Variants in AKAP6 observed in about 807,000 individuals in gnomAD.
AKAP6 encodes A-kinase anchoring protein 6, also known as A-kinase anchor protein 6.
Under a neutral mutation model 188.5 loss-of-function variants are expected in AKAP6, and 58 were observed. The observed-to-expected ratio is 0.31, with a 90% CI of 0.25 to 0.38. AKAP6 has a LOEUF of 0.38. AKAP6 is among the 10% of genes least tolerant of loss of function. The pLI, the probability that AKAP6 is intolerant of heterozygous loss-of-function variation, is 1.00. For synonymous variants in AKAP6, 989 were observed against 998.6 expected, an observed-to-expected ratio of 0.99 and a Z score of 0.18; for missense variants, 2,710 against 2,740.0, an observed-to-expected ratio of 0.99 and a Z score of 0.24.
rs2034001349 is a variant in AKAP6, at chr14:32,803,291, A to C, written c.3589-18111A>C. 3.9e-5 allele frequency among the ~76,000 whole-genome samples: 3 copies of C among 77,344 alleles called. No homozygotes were observed. The South Asian group carries it at 1.7e-3, about 44-fold the overall frequency. 50.7% of individuals were successfully genotyped at this position (77,344 alleles called of 152,430 possible). A position where few individuals can be genotyped will look rare whatever the true frequency, so the allele number is the denominator to read the frequency against. On this transcript the variant is annotated intron_variant, in intron 12 of 13. Coordinates refer to ENST00000280979, the MANE Select transcript of AKAP6 (RefSeq NM_004274.5). The stretch of plus-strand genomic sequence containing the variant: ...AAACCCCGTCTCTATAAAAAAAAAA[A>C]CAAAACAAATATTTTTGATGCACAA...
At chr14:32,774,011 GT>G in intron 12 of AKAP6, 118 bp downstream of exon 12, 1 of 1,129,284 alleles carries the variant, frequency 8.9e-7, no homozygotes. Context: ...ACTTAAAGTG[GT>G]TTTGCCATCT....
intron 5 of AKAP6, among the ~76,000 whole-genome samples, chr14:32,595,339 G>A (rs1296907757): frequency 1.3e-5 from 2 of 152,050 alleles, no homozygotes; most frequent in East Asian, 3.9e-4. Flanking sequence ...ACACTGAGCT[G>A]CTTGTGGCTC....
At chr14:32,459,275 C>G (rs568194983) in intron 2 of AKAP6, among the ~76,000 whole-genome samples, 1 of 145,932 alleles carries the variant, frequency 6.9e-6, no homozygotes, top group Non-Finnish European at 1.6e-5. Context: ...CATGAGATAA[C>G]TTTTTGGGGC....
intron 12 of AKAP6, among the ~76,000 whole-genome samples, chr14:32,784,113 G>T (rs2033332960): frequency 6.6e-6 from 1 of 152,096 alleles, no homozygotes; most frequent in Non-Finnish European, 1.5e-5. Flanking sequence ...AATTTCTTAT[G>T]AGAACTTTAA....
intron 12 of AKAP6, among the ~76,000 whole-genome samples, chr14:32,781,012 A>G (rs965450223): frequency 6.6e-6 from 1 of 152,116 alleles, no homozygotes; most frequent in South Asian, 2.1e-4. Flanking sequence ...CTTAGTTTTC[A>G]CCTTATGAAA....
At chr14:32,460,777 C>T (rs949173796) in intron 2 of AKAP6, among the ~76,000 whole-genome samples, 6 of 152,220 alleles carry the variant, frequency 3.9e-5, no homozygotes, top group African/African-American at 4.8e-5. Context: ...TCTTGCTCAG[C>T]GGGCCCCACT....
chr14:32,760,065 A>C (rs2032485558), intron 11 of AKAP6, among the ~76,000 whole-genome samples: 1 of 152,234 alleles, frequency 6.6e-6, no homozygotes, highest in Non-Finnish European at 1.5e-5. Context: ...TTGGAGTTAG[A>C]CTTTGAAGGT....
At chr14:32,360,088 C>T (rs549721023) in intron 1 of AKAP6, among the ~76,000 whole-genome samples, 38 of 151,634 alleles carry the variant, frequency 2.5e-4, no homozygotes, top group African/African-American at 5.8e-4. Context: ...GTAAATCTGG[C>T]GGGAGATATT....
chr14:32,728,912 G>C (rs1173323650), intron 9 of AKAP6, among the ~76,000 whole-genome samples: 1 of 152,058 alleles, frequency 6.6e-6, no homozygotes, highest in African/African-American at 2.4e-5. Context: ...CTCAAGTTTT[G>C]CTTAGGTGGA....
intron 2 of AKAP6, among the ~76,000 whole-genome samples, chr14:32,454,877 CTCCT>C (rs1891101891): frequency 2.0e-5 from 1 of 49,342 alleles, no homozygotes; most frequent in African/African-American, 2.4e-4. Context: ...CCCTCCCTCC[CTCCT>C]TCCCTCCCTC....
intron 12 of AKAP6, among the ~76,000 whole-genome samples, chr14:32,789,773 G>C (rs897641027): frequency 6.6e-6 from 1 of 152,124 alleles, no homozygotes; most frequent in Non-Finnish European, 1.5e-5. Flanking sequence ...AGAAAGAATC[G>C]ATGCAAGAAT....
chr14:32,346,409 A>G (rs1285872419), intron 1 of AKAP6, among the ~76,000 whole-genome samples: 1 of 152,234 alleles, frequency 6.6e-6, no homozygotes, highest in Non-Finnish European at 1.5e-5. Context: ...CTGAGACAGT[A>G]TGTTTGTATT....
intron 12 of AKAP6, among the ~76,000 whole-genome samples, chr14:32,818,622 A>G (rs181288026): frequency 6.6e-6 from 1 of 152,254 alleles, no homozygotes; most frequent in Non-Finnish European, 1.5e-5. Context: ...TTTACTGAGC[A>G]AAGGAATTTT....
At chr14:32,517,152 G>A (rs148333610) in intron 2 of AKAP6, among the ~76,000 whole-genome samples, 37 of 152,234 alleles carry the variant, frequency 2.4e-4, no homozygotes, top group East Asian at 1.2e-3. Flanking sequence ...TCATTTCCTC[G>A]AAAACTAGCT....
intron 12 of AKAP6, among the ~76,000 whole-genome samples, chr14:32,808,055 G>T (rs1054019748): frequency 6.6e-6 from 1 of 152,162 alleles, no homozygotes; most frequent in Non-Finnish European, 1.5e-5. Flanking sequence ...TTTTAATTTG[G>T]TGTGGACTAA....
intron 7 of AKAP6, among the ~76,000 whole-genome samples, chr14:32,626,381 A>G (rs1887023217): frequency 6.6e-6 from 1 of 152,016 alleles, no homozygotes; most frequent in Non-Finnish European, 1.5e-5. Context: ...AAAATATACT[A>G]ATCACTCTAC....
intron 1 of AKAP6, among the ~76,000 whole-genome samples, chr14:32,358,936 G>C (rs1594537768): frequency 6.6e-6 from 1 of 152,158 alleles, no homozygotes; most frequent in Non-Finnish European, 1.5e-5. Context: ...CACCTGCTGA[G>C]GTCCCAGGTG....
At chr14:32,541,136 T>C (rs1432575124) in intron 3 of AKAP6, among the ~76,000 whole-genome samples, 1 of 152,076 alleles carries the variant, frequency 6.6e-6, no homozygotes, top group East Asian at 1.9e-4. Context: ...CTGGTTAAGA[T>C]GGTATTTACT....
intron 12 of AKAP6, among the ~76,000 whole-genome samples, chr14:32,774,748 A>T (rs952892182): frequency 9.9e-6 from 1 of 100,842 alleles, no homozygotes; most frequent in Admixed American, 8.4e-5. Context: ...TGGAATGCAT[A>T]CATACATACA....
Sources: gnomAD v4.1 joint callset for allele counts (sites outside exome capture counted in the v4.1 genomes callset) on GRCh38, gnomAD v4.1.1 for gene constraint, MANE v1.5 for transcripts, NCBI Gene and HGNC (gene_info 2026-07-23, HGNC 2026-07-21) for gene names.